CDH1: variants seen among roughly 807,000 people sequenced by gnomAD.
CDH1 encodes cadherin 1, also known as cadherin-1.
CDH1 carries 35 observed loss-of-function variants against 84.5 expected under a neutral mutation model. The ratio of observed to expected loss-of-function variants is 0.41; its 90% CI spans 0.32 to 0.55. CDH1 has a LOEUF of 0.55. CDH1 is among the 20% of genes least tolerant of loss of function. The pLI, the probability that CDH1 is intolerant of heterozygous loss-of-function variation, is 0.19. For synonymous variants in CDH1, 417 were observed against 439.0 expected (o/e 0.95, Z 0.63); for missense variants, 994 against 1,126.6 (o/e 0.88, Z 1.68).
intron 2 of CDH1, among the ~76,000 whole-genome samples, chr16:68,793,821 G>A (rs1960278144): frequency 6.6e-6 from 1 of 151,846 alleles, no homozygotes; most frequent in African/African-American, 2.4e-5. Context: ...GAACCCGGGA[G>A]GCAGGAGGCT....
chr16:68,794,982 G>A (rs12928043), intron 2 of CDH1, among the ~76,000 whole-genome samples: 40,627 of 151,694 alleles, frequency 0.27, 5,608 homozygotes, highest in Middle Eastern at 0.33. Context: ...GTGAGCCACC[G>A]CACCTGGCCA....
intron 11 of CDH1, among the ~76,000 whole-genome samples, 185 bp downstream of exon 11, chr16:68,819,610 A>G (rs1961086580): frequency 6.6e-6 from 1 of 152,152 alleles, no homozygotes; most frequent in Admixed American, 6.6e-5. Context: ...GTGTAGTGGT[A>G]AAGTCAGGGC....
At chr16:68,745,542 A>T (rs1567475160) in intron 2 of CDH1, among the ~76,000 whole-genome samples, 10 of 58,652 alleles carry the variant, frequency 1.7e-4, no homozygotes, top group Non-Finnish European at 2.3e-4. Flanking sequence ...TCAAAAAAAA[A>T]AAAAAAAATA....
chr16:68,797,860 C>T (rs924088456), intron 2 of CDH1, among the ~76,000 whole-genome samples: 2 of 152,096 alleles, frequency 1.3e-5, no homozygotes, highest in African/African-American at 4.8e-5. Flanking sequence ...GGGCAGATCA[C>T]TTGAGGTCAG....
chr16:68,806,576 C>T (rs539291363), intron 3 of CDH1, among the ~76,000 whole-genome samples: 1 of 152,310 alleles, frequency 6.6e-6, no homozygotes, highest in East Asian at 1.9e-4. Context: ...TTATTGAGCA[C>T]TTACTATGTT....
chr16:68,806,352 G>A (rs867706471), intron 3 of CDH1, among the ~76,000 whole-genome samples: 4 of 151,880 alleles, frequency 2.6e-5, no homozygotes, highest in Middle Eastern at 3.4e-3. Flanking sequence ...GTTTTGGCAC[G>A]TTGGCCAAGC....
chr16:68,766,387 G>A (rs1037185371), intron 2 of CDH1, among the ~76,000 whole-genome samples: 23 of 152,172 alleles, frequency 1.5e-4, no homozygotes, highest in Non-Finnish European at 2.8e-4. Flanking sequence ...CGGATGCACC[G>A]CTTCCCTTCC....
At chr16:68,748,831 GT>G (rs1388972506) in intron 2 of CDH1, among the ~76,000 whole-genome samples, 1 of 151,978 alleles carries the variant, frequency 6.6e-6, no homozygotes, top group Non-Finnish European at 1.5e-5. Context: ...AGATAAAACA[GT>G]TTTTTTTGTT....
intron 2 of CDH1, among the ~76,000 whole-genome samples, chr16:68,795,810 G>A (rs914772250): frequency 4.0e-5 from 6 of 151,418 alleles, no homozygotes; most frequent in Admixed American, 4.0e-4. Flanking sequence ...CTCTGATCTT[G>A]TCCTCCAGTT....
intron 6 of CDH1, 106 bp downstream of exon 6, chr16:68,810,447 C>A: frequency 9.3e-7 from 1 of 1,077,828 alleles, no homozygotes; most frequent in Non-Finnish European, 1.4e-6. Flanking sequence ...CTGATCCTTC[C>A]TACGGACAGA....
Position 68,756,337 on chromosome 16 carries a change from G to A in CDH1, c.163+17926G>A, listed in dbSNP as rs146399676. On this transcript the variant is annotated intron_variant, in intron 2 of 15. Coordinates refer to ENST00000261769, the MANE Select transcript of CDH1 (RefSeq NM_004360.5). ...TTGGAAAACATCATCCCTTGAATAA[G>A]CAGTGAGGCAAACACCTGGGCACTT... Among the ~76,000 whole-genome samples, 51 of 152,228 alleles carry A rather than the reference G, an allele frequency of 3.4e-4. 1 individual carries two copies. In the East Asian group the frequency reaches 9.5e-3, roughly 28 times the overall value.
chr16:68,773,831 A>G (rs1161723874), intron 2 of CDH1, among the ~76,000 whole-genome samples: 1 of 152,254 alleles, frequency 6.6e-6, no homozygotes. Flanking sequence ...GTTCATATCC[A>G]TGAGAAACAA....
At chr16:68,760,516 A>AT (rs1288905732) in intron 2 of CDH1, among the ~76,000 whole-genome samples, 3 of 151,864 alleles carry the variant, frequency 2.0e-5, no homozygotes, top group Non-Finnish European at 4.4e-5. Context: ...GCCTTGGAGA[A>AT]TTTTGCCCCT....
intron 2 of CDH1, among the ~76,000 whole-genome samples, chr16:68,768,700 A>C (rs963207545): frequency 2.0e-5 from 3 of 152,196 alleles, no homozygotes; most frequent in African/African-American, 7.2e-5. Flanking sequence ...AATAAAAAGA[A>C]CAAAAATATT....
At chr16:68,764,846 T>C (rs1311675549) in intron 2 of CDH1, among the ~76,000 whole-genome samples, 3 of 152,236 alleles carry the variant, frequency 2.0e-5, no homozygotes, top group African/African-American at 7.2e-5. Flanking sequence ...AGGTAGTCCT[T>C]GGCCACCTGC....
chr16:68,813,644 G>A (rs1960907032), intron 9 of CDH1, 149 bp downstream of exon 9: 1 of 817,906 alleles, frequency 1.2e-6, no homozygotes, highest in South Asian at 1.3e-5. Flanking sequence ...GGGATTTGCA[G>A]TGGCTCTTCC....
chr16:68,794,586 CAT>C (rs894660274), intron 2 of CDH1, among the ~76,000 whole-genome samples: 3 of 151,920 alleles, frequency 2.0e-5, no homozygotes, highest in African/African-American at 2.4e-5. Context: ...GTGGTACAAT[CAT>C]AGCACACTGC....
At chr16:68,828,038 T>TC (rs1961366065) in intron 13 of CDH1, 136 bp from the exon 14 acceptor site, 3 of 896,548 alleles carry the variant, frequency 3.3e-6, no homozygotes, top group Admixed American at 1.7e-5. Context: ...ATTGACATCT[T>TC]CAAGTGTATT....
In CDH1 at chr16:68,823,509, G is replaced by A. The variant is rs758872535; in HGVS notation, c.2047G>A (p.Val683Ile). The change falls in exon 13 of 16, where the codon GTC (valine) becomes ATC (isoleucine). Residue 683 changes from valine to isoleucine, a missense_variant. Physicochemically the swap from Val to Ile is conservative, Grantham distance 29. Coordinates refer to ENST00000261769, the MANE Select transcript of CDH1 (RefSeq NM_004360.5). ...QNKDQVTTLE[V>I]SVCDCEGAAG... The stretch of plus-strand genomic sequence containing the variant: ...TAAAGACCAAGTGACCACCTTAGAG[G>A]TCAGCGTGTGTGACTGTGAAGGGGC... 2.5e-6 allele frequency: 4 copies of A among 1,614,042 alleles called. No homozygotes were observed. Among genetic ancestry groups the A allele is most frequent in the East Asian group, 2.2e-5 (1 of 44,884 alleles).
Sources: allele counts gnomAD v4.1 joint callset (sites outside exome capture counted in the v4.1 genomes callset), GRCh38; gene constraint gnomAD v4.1.1; transcripts MANE v1.5; gene names NCBI Gene and HGNC (gene_info 2026-07-23, HGNC 2026-07-21).